Variants in PLG observed in about 807,000 individuals in gnomAD.
PLG encodes plasmin.
PLG carries 41 observed loss-of-function variants against 104.4 expected under a neutral mutation model. The observed-to-expected ratio is 0.39, with a 90% CI of 0.31 to 0.51. The LOEUF is 0.51. Among genes scored for constraint, PLG ranks in the 20% least tolerant of loss-of-function variants. The pLI, the probability that PLG is intolerant of heterozygous loss-of-function variation, is 0.76. For synonymous variants in PLG, 337 were observed against 357.1 expected, an observed-to-expected ratio of 0.94 and a Z score of 0.63; for missense variants, 891 against 1,003.6, an observed-to-expected ratio of 0.89 and a Z score of 1.52.
At chr6:160,720,742 T>C (rs1425170682) in intron 9 of PLG, among the ~76,000 whole-genome samples, 2 of 152,198 alleles carry the variant, frequency 1.3e-5, no homozygotes, top group African/African-American at 2.4e-5. Flanking sequence ...TTCATTGTCC[T>C]TGTAAAATTC....
At position 160,738,942 on chromosome 6, in the gene PLG, T is replaced by C. The variant is rs1414084180; in HGVS notation, c.1878-126T>C. Reference sequence around the variant, plus strand: ...CAAGCAAATCATGAATTTTGCTTCTTGCCACTCAGAAGTCACTAATTCTGA... The same window carrying C: ...CAAGCAAATCATGAATTTTGCTTCTCGCCACTCAGAAGTCACTAATTCTGA... On this transcript the variant is annotated intron_variant, in intron 15 of 18. Coordinates refer to ENST00000308192, the MANE Select transcript of PLG (RefSeq NM_000301.5). The surrounding 1 kb of genome is among the most constrained non-coding windows in gnomAD (Gnocchi z 6.8). The C allele has an allele frequency of 3.6e-6, 4 of 1,117,948 alleles. No homozygotes were observed. The highest frequency in any genetic ancestry group is 5.4e-6 in the Non-Finnish European group (4 of 735,642). The allele number at this position is 1,117,948 out of a possible 1,614,324, so 69.3% of individuals were successfully genotyped here. A position where few individuals can be genotyped will look rare whatever the true frequency, so the allele number is the denominator to read the frequency against.
rs1028091057 is a variant in PLG at position 160,735,636 on chromosome 6, T to G, written c.1682-1251T>G. Reference sequence around the variant, plus strand: ...ATATGGTTTATTCAGGTTTGACTCGTGCTTGAGAAAGCTAGAGCCTCTGGT... The same window carrying G: ...ATATGGTTTATTCAGGTTTGACTCGGGCTTGAGAAAGCTAGAGCCTCTGGT... On this transcript the variant is annotated intron_variant, in intron 13 of 18. Coordinates refer to ENST00000308192, the MANE Select transcript of PLG (RefSeq NM_000301.5). This position sits in a 1 kb window ranked among gnomAD's most constrained non-coding sequence, Gnocchi z 5.4. 2.0e-5 allele frequency among the ~76,000 whole-genome samples: 3 copies of G among 152,248 alleles called. No homozygotes were observed. The highest frequency in any genetic ancestry group is 4.4e-5 in the Non-Finnish European group (3 of 68,052).
Position 160,743,011 on chromosome 6 carries a change from C to CT in PLG, c.2125+1613dup, listed in dbSNP as rs3028193. Reference sequence around the variant, plus strand: ...TATTCTGTTCCACTGGTCTACGTGTCTTTTTTTTTTTTTTTTTTTACCAGT... The same window carrying CT: ...TATTCTGTTCCACTGGTCTACGTGTCTTTTTTTTTTTTTTTTTTTTACCAGT... On this transcript the variant is annotated intron_variant, in intron 17 of 18. Coordinates refer to ENST00000308192, the MANE Select transcript of PLG (RefSeq NM_000301.5). Among the ~76,000 whole-genome samples the CT allele has an allele frequency of 6.2e-3, 876 of 140,608 alleles. 10 individuals are homozygous for CT. The highest frequency in any genetic ancestry group is 0.033 in the South Asian group (147 of 4,400). 92.2% of individuals were successfully genotyped at this position (140,608 alleles called of 152,430 possible). A position where few individuals can be genotyped will look rare whatever the true frequency, so the allele number is the denominator to read the frequency against.
chr6:160,704,524 T>C (rs73782431), intron 1 of PLG, among the ~76,000 whole-genome samples: 3,146 of 152,362 alleles, frequency 0.021, 95 homozygotes, highest in Middle Eastern at 0.068. Flanking sequence ...CACTGTGAGC[T>C]ATATAGAATT....
rs576893299 is a variant in PLG, at chr6:160,706,268, T to C, written c.50-139T>C. 3.0e-3 allele frequency: 3,402 copies of C among 1,117,570 alleles called. 25 individuals carry two copies. The highest frequency in any genetic ancestry group is 3.7e-3 in the East Asian group (157 of 42,128). 69.2% of individuals were successfully genotyped at this position (1,117,570 alleles called of 1,614,324 possible). A position where few individuals can be genotyped will look rare whatever the true frequency, so the allele number is the denominator to read the frequency against. On this transcript the variant is annotated intron_variant, in intron 1 of 18. Coordinates refer to ENST00000308192, the MANE Select transcript of PLG (RefSeq NM_000301.5). ...GTTCTTAACTAAACATTTTGATTCA[T>C]AGCTACCCATTCTACTTCCAGTAAA...
At chr6:160,709,802 G>A (rs1777603628) in intron 3 of PLG, among the ~76,000 whole-genome samples, 1 of 152,190 alleles carries the variant, frequency 6.6e-6, no homozygotes, top group African/African-American at 2.4e-5. Context: ...TGGGTTAAAA[G>A]CATTAGTTTG....
rs780012024 is a variant in PLG, at chr6:160,734,034, T to C, written c.1627T>C (p.Cys543Arg). 6.2e-7 allele frequency: 1 copy of C among 1,611,820 alleles called. No individual in the cohort carries two copies. Residue 543 changes from cysteine to arginine, a missense_variant, in exon 13 of 19, where the codon TGC becomes CGC. This residue lies in a region of PLG where 854 missense variants were observed against 932.1 expected (regional missense o/e 0.92). Coordinates refer to ENST00000308192, the MANE Select transcript of PLG (RefSeq NM_000301.5). This position sits in a 1 kb window ranked among gnomAD's most constrained non-coding sequence, Gnocchi z 4.4. ...NPDGDVGGPW[C>R]YTTNPRKLYD... Reference sequence around the variant, plus strand: ...TGATGGTGATGTAGGTGGTCCCTGGTGCTACACGACAAATCCAAGAAAACT... The same window carrying C: ...TGATGGTGATGTAGGTGGTCCCTGGCGCTACACGACAAATCCAAGAAAACT...
chr6:160,710,953 T>C lies in PLG; in HGVS notation c.293-124T>C, dbSNP rs1777628132. ...GCCTTTTTGCAGATGCAAAAGATGA[T>C]CTTTTAGAAAGCAGAAACAGGGGGT... On this transcript the variant is annotated intron_variant, in intron 3 of 18. Transcript: ENST00000308192. 8.4e-6 allele frequency: 7 copies of C among 833,020 alleles called. 1 individual carries two copies. The highest frequency in any genetic ancestry group is 4.3e-5 in the South Asian group (3 of 69,824). 51.6% of individuals were successfully genotyped at this position (833,020 alleles called of 1,614,324 possible).
chr6:160,734,745 GAAAAAAAAA>G lies in PLG; in HGVS notation c.1681+668_1681+676del, dbSNP rs201754541. Among the ~76,000 whole-genome samples, 2 of 113,930 alleles carry G rather than the reference GAAAAAAAAA, an allele frequency of 1.8e-5. No individual in the cohort carries two copies. The allele number at this position is 113,930 out of a possible 152,430, so 74.7% of individuals were successfully genotyped here. On this transcript the variant is annotated intron_variant, in intron 13 of 18. Transcript: ENST00000308192. The surrounding 1 kb of genome is among the most constrained non-coding windows in gnomAD (Gnocchi z 4.4). ...GAATAACAAATCCATGGGTATTTCTGAAAAAAAAAAAAAAAAAAAGAAAGGAAGCTACTT... is the reference window on the plus strand; with the variant it reads ...GAATAACAAATCCATGGGTATTTCTGAAAAAAAAAAGAAAGGAAGCTACTT...
At position 160,738,695 on chromosome 6, in the gene PLG, C is replaced by A; in HGVS notation, c.1877+83C>A. On this transcript the variant is annotated intron_variant, in intron 15 of 18. Transcript: ENST00000308192. This position sits in a 1 kb window ranked among gnomAD's most constrained non-coding sequence, Gnocchi z 6.8. ...TTTTCCTCCTTTCCTCCTTTCCTTTCTCACTCTTCCTCCCTTCCTTCTCTG... is the reference window on the plus strand; with the variant it reads ...TTTTCCTCCTTTCCTCCTTTCCTTTATCACTCTTCCTCCCTTCCTTCTCTG... The A allele has an allele frequency of 1.1e-6, 1 of 935,108 alleles. No individual in the cohort carries two copies. Among genetic ancestry groups the A allele is most frequent in the South Asian group, 1.3e-5 (1 of 76,306 alleles). 57.9% of individuals were successfully genotyped at this position (935,108 alleles called of 1,614,324 possible).
chr6:160,750,296 G>C (rs1778381329), intron 17 of PLG, among the ~76,000 whole-genome samples: 1 of 152,082 alleles, frequency 6.6e-6, no homozygotes, highest in African/African-American at 2.4e-5. Context: ...CGCCCCATCG[G>C]GGAGGGCTTC....
intron 12 of PLG, among the ~76,000 whole-genome samples, chr6:160,733,770 G>T (rs1367242666): frequency 6.7e-6 from 1 of 148,652 alleles, no homozygotes; most frequent in African/African-American, 2.5e-5. Flanking sequence ...CTTGAACCCA[G>T]GAGATGGAGG....
intron 5 of PLG, among the ~76,000 whole-genome samples, chr6:160,714,549 T>C (rs1007784338): frequency 5.9e-5 from 9 of 152,136 alleles, no homozygotes; most frequent in African/African-American, 2.2e-4. Flanking sequence ...ATGACTACAA[T>C]AGTTGAGGGA....
chr6:160,744,652 ACTTT>A lies in PLG; in HGVS notation c.2125+3239_2125+3242del, dbSNP rs1255516126. On this transcript the variant is annotated intron_variant, in intron 17 of 18. Transcript: ENST00000308192. The surrounding 1 kb of genome is among the most constrained non-coding windows in gnomAD (Gnocchi z 4.5). The stretch of plus-strand genomic sequence containing the variant: ...CTTTTGAATGAATTTTCATGTCTTG[ACTTT>A]CTTCAGTTCAGCTCTGATTTTGGTT... Among the ~76,000 whole-genome samples the A allele has an allele frequency of 6.6e-6, 1 of 151,952 alleles. No individual in the cohort carries two copies. The highest frequency in any genetic ancestry group is 1.5e-5 in the Non-Finnish European group (1 of 67,980).
intron 1 of PLG, among the ~76,000 whole-genome samples, chr6:160,705,129 T>G (rs1403123955): frequency 6.6e-6 from 1 of 152,170 alleles, no homozygotes; most frequent in African/African-American, 2.4e-5. Context: ...GTTGTCTAAT[T>G]CCATGGAGCT....
In PLG at chr6:160,741,999, T is replaced by C. The variant is rs936622111; in HGVS notation, c.2125+582T>C. The stretch of plus-strand genomic sequence containing the variant: ...CCTGTAAAAGATATTACCTCATTCT[T>C]TCTTATGGCTAAACAGTATTCCATG... On this transcript the variant is annotated intron_variant, in intron 17 of 18. Coordinates refer to ENST00000308192, the MANE Select transcript of PLG (RefSeq NM_000301.5). The surrounding 1 kb of genome is among the most constrained non-coding windows in gnomAD (Gnocchi z 4.7). Among the ~76,000 whole-genome samples, 1 of 152,246 alleles carries C rather than the reference T, an allele frequency of 6.6e-6. No individual in the cohort carries two copies. The highest frequency in any genetic ancestry group is 1.5e-5 in the Non-Finnish European group (1 of 68,054).
At chr6:160,721,063 T>C (rs1436347989) in intron 9 of PLG, among the ~76,000 whole-genome samples, 1 of 152,212 alleles carries the variant, frequency 6.6e-6, no homozygotes, top group Non-Finnish European at 1.5e-5. Flanking sequence ...ATTTTCATGT[T>C]ACTCTTTTCT....
chr6:160,731,620 T>C lies in PLG; in HGVS notation c.1439-125T>C, dbSNP rs1778000710. 4 of 898,442 alleles carry C rather than the reference T, an allele frequency of 4.5e-6. No homozygotes were observed. Among genetic ancestry groups the C allele is most frequent in the Non-Finnish European group, 7.4e-6 (4 of 538,766 alleles). The allele number at this position is 898,442 out of a possible 1,614,324, so 55.7% of individuals were successfully genotyped here. ...CAGCGTTCATTGCAGTCTTCAGCAT[T>C]GCAGTTTCTGAGGAATGTGGCCCCT... On this transcript the variant is annotated intron_variant, in intron 11 of 18. Coordinates refer to ENST00000308192, the MANE Select transcript of PLG (RefSeq NM_000301.5). The surrounding 1 kb of genome is among the most constrained non-coding windows in gnomAD (Gnocchi z 5.1).
At chr6:160,722,801 T>C (rs1325453646) in intron 10 of PLG, among the ~76,000 whole-genome samples, 1 of 152,038 alleles carries the variant, frequency 6.6e-6, no homozygotes, top group Non-Finnish European at 1.5e-5. Context: ...CATCTGGAGG[T>C]GATGAGGTCA....
Sources: gnomAD v4.1 joint callset for allele counts (sites outside exome capture counted in the v4.1 genomes callset) on GRCh38, gnomAD v4.1.1 for gene constraint, gnomAD v4.1.1 regional missense constraint, Gnocchi (gnomAD v3.1) non-coding constraint, MANE v1.5 for transcripts, NCBI Gene and HGNC (gene_info 2026-07-23, HGNC 2026-07-21) for gene names.